Variants in GLIS3 observed in about 807,000 individuals in gnomAD.
The protein encoded by GLIS3 is zinc finger protein GLIS3.
Under a neutral mutation model 78.6 loss-of-function variants are expected in GLIS3, and 53 were observed. The ratio of observed to expected loss-of-function variants is 0.67; its 90% CI spans 0.54 to 0.85. The LOEUF is 0.85. Ranked by LOEUF, GLIS3 falls within the 40% of genes least tolerant of loss-of-function variation. GLIS3 has a pLI of 0.00. For synonymous variants in GLIS3, 684 were observed against 509.9 expected, an observed-to-expected ratio of 1.34 and a Z score of -4.60; for missense variants, 1,703 against 1,231.1, an observed-to-expected ratio of 1.38 and a Z score of -5.74.
chr9:4,165,736 T>A (rs964957703), intron 2 of GLIS3, among the ~76,000 whole-genome samples: 1 of 152,124 alleles, frequency 6.6e-6, no homozygotes, highest in African/African-American at 2.4e-5. Flanking sequence ...ACTACAAATA[T>A]ACAGTTGGAA....
At chr9:4,359,370 T>G in the GLIS3 span, among the ~76,000 whole-genome samples, 1 of 152,192 alleles carries the variant, frequency 6.6e-6, no homozygotes, top group Non-Finnish European at 1.5e-5. Flanking sequence ...ATCACTGTCC[T>G]TAGAAACAGC....
At chr9:4,207,477 G>T (rs1180726870) in intron 2 of GLIS3, among the ~76,000 whole-genome samples, 3 of 152,160 alleles carry the variant, frequency 2.0e-5, no homozygotes, top group African/African-American at 7.2e-5. Context: ...TGCTTATGGA[G>T]CAATTTAGAG....
chr9:4,159,516 T>G (rs1326662982), intron 2 of GLIS3, among the ~76,000 whole-genome samples: 2 of 152,060 alleles, frequency 1.3e-5, no homozygotes, highest in African/African-American at 4.8e-5. Context: ...GTGAGGAGTT[T>G]GAGACCAGCC....
At chr9:3,853,322 G>A (rs894925876) in intron 9 of GLIS3, among the ~76,000 whole-genome samples, 2 of 152,168 alleles carry the variant, frequency 1.3e-5, no homozygotes, top group African/African-American at 4.8e-5. Context: ...TTTGCCAAGA[G>A]GTAGGGGAAA....
rs1311728783 is a variant in GLIS3, at chr9:4,118,327, T to C, written c.1151A>G (p.Tyr384Cys). ...GTGCTCCAGGGCCCCGTCCTCGCCG[T>C]AGGCCGGCAGCGCCAGGCCTCCAGG... ...VAPGGLALPA[Y>C]GEDGALEHER... Residue 384 changes from tyrosine to cysteine, a missense_variant, in exon 4 of 11, where the codon TAC becomes TGC. Physicochemically the swap from Tyr to Cys is radical, Grantham distance 194 (BLOSUM62 -2). Coordinates refer to ENST00000381971, the MANE Select transcript of GLIS3 (RefSeq NM_001042413.2). This position sits in a 1 kb window ranked among gnomAD's most constrained non-coding sequence, Gnocchi z 4.7. 19 of 1,575,202 alleles carry C rather than the reference T, an allele frequency of 1.2e-5. No homozygotes were observed. The highest frequency in any genetic ancestry group is 1.5e-5 in the Non-Finnish European group (17 of 1,163,766).
At chr9:4,022,021 C>A in intron 4 of GLIS3, among the ~76,000 whole-genome samples, 1 of 152,196 alleles carries the variant, frequency 6.6e-6, no homozygotes. Flanking sequence ...CACTTAGGCA[C>A]TTCTCAGATG....
chr9:4,279,313 AAATAT>A (rs1344408265), intron 2 of GLIS3, among the ~76,000 whole-genome samples: 2 of 68,102 alleles, frequency 2.9e-5, no homozygotes, highest in South Asian at 6.0e-4. Flanking sequence ...AAAAAAAAAA[AAATAT>A]ATATATACAC....
At chr9:3,900,154 T>G (rs547783400) in intron 6 of GLIS3, among the ~76,000 whole-genome samples, 1 of 149,786 alleles carries the variant, frequency 6.7e-6, no homozygotes, top group Non-Finnish European at 1.5e-5. Context: ...GAAGGAGACG[T>G]TGGATAAAGC....
chr9:4,034,828 T>C (rs1824171892), intron 4 of GLIS3: 1 of 152,172 alleles, frequency 6.6e-6, no homozygotes, highest in African/African-American at 2.4e-5. Context: ...AACCTGAATG[T>C]CACTTGGTGT....
the GLIS3 span, among the ~76,000 whole-genome samples, chr9:4,468,401 C>CA: frequency 6.6e-6 from 1 of 152,078 alleles, no homozygotes; most frequent in Non-Finnish European, 1.5e-5. Flanking sequence ...TTGGGTTACC[C>CA]AAAAAGGGAA....
Position 4,088,691 on chromosome 9 carries a change from C to G in GLIS3, c.1710+29077G>C, listed in dbSNP as rs983096945. ...CAGAGAGTAAAGCAATAAATGTGAC[C>G]TTGTCCCTTCTCCTCAAGGAACCTA... On this transcript the variant is annotated intron_variant, in intron 4 of 10. Transcript: ENST00000381971. 2.0e-5 allele frequency among the ~76,000 whole-genome samples: 3 copies of G among 152,318 alleles called. No individual in the cohort carries two copies. In the South Asian group the frequency reaches 6.2e-4, roughly 32 times the overall value.
upstream of GLIS3, among the ~76,000 whole-genome samples, chr9:4,353,059 G>A (rs1817995235): frequency 6.6e-6 from 1 of 152,060 alleles, no homozygotes. Flanking sequence ...TTTCAGCCTG[G>A]GGTATGGTGG....
At chr9:3,978,481 A>C (rs1045556402) in intron 4 of GLIS3, among the ~76,000 whole-genome samples, 1 of 152,132 alleles carries the variant, frequency 6.6e-6, no homozygotes, top group Non-Finnish European at 1.5e-5. Flanking sequence ...ATTATTTTCC[A>C]TATCAATAAA....
At chr9:3,963,068 C>T (rs1338149529) in intron 4 of GLIS3, among the ~76,000 whole-genome samples, 2 of 151,606 alleles carry the variant, frequency 1.3e-5, no homozygotes, top group Admixed American at 6.6e-5. Flanking sequence ...AAAGGACACA[C>T]ATATAAAGGC....
At chr9:3,842,329 T>G (rs1331880472) in intron 9 of GLIS3, among the ~76,000 whole-genome samples, 2 of 152,088 alleles carry the variant, frequency 1.3e-5, no homozygotes, top group Non-Finnish European at 2.9e-5. Flanking sequence ...AAAATTAGTC[T>G]GGTATGGTGG....
chr9:4,290,837 T>A (rs556855428), intron 1 of GLIS3, among the ~76,000 whole-genome samples: 41 of 152,138 alleles, frequency 2.7e-4, no homozygotes, highest in Middle Eastern at 3.2e-3. Flanking sequence ...TGCAAACATG[T>A]GCCTGTGAAA....
the GLIS3 span, among the ~76,000 whole-genome samples, chr9:4,440,824 T>A: frequency 6.6e-6 from 1 of 152,216 alleles, no homozygotes; most frequent in Non-Finnish European, 1.5e-5. Context: ...TGTGTCTTCT[T>A]CAATTTCTTT....
chr9:3,927,614 C>T (rs766627662), intron 6 of GLIS3, among the ~76,000 whole-genome samples: 9 of 152,282 alleles, frequency 5.9e-5, no homozygotes, highest in Non-Finnish European at 1.3e-4. Flanking sequence ...TCTGTATTTA[C>T]GGAAAGGCCA....
At chr9:4,371,966 T>A in the GLIS3 span, among the ~76,000 whole-genome samples, 55,168 of 152,014 alleles carry the variant, frequency 0.36, 10,514 homozygotes, top group African/African-American at 0.46. Context: ...CTGGCCATAA[T>A]TGCACCTGGG....
Sources: allele counts gnomAD v4.1 joint callset (sites outside exome capture counted in the v4.1 genomes callset), GRCh38; gene constraint gnomAD v4.1.1; non-coding constraint Gnocchi (gnomAD v3.1); transcripts MANE v1.5; gene names NCBI Gene and HGNC (gene_info 2026-07-23, HGNC 2026-07-21).